Variants in SORCS1 observed in about 807,000 individuals in gnomAD.
The protein encoded by SORCS1 is VPS10 domain-containing receptor SorCS1.
In SORCS1, 60 loss-of-function variants were observed where a neutral mutation model predicts 146.1. The observed-to-expected ratio is 0.41, with a 90% confidence interval of 0.33 to 0.51. The LOEUF (loss-of-function observed/expected upper bound fraction) is 0.51, where lower values mean the gene tolerates loss of function less well. Among genes scored for constraint, SORCS1 ranks in the 20% least tolerant of loss-of-function variants. SORCS1 has a pLI of 0.21. For missense variants in SORCS1, 1,352 were observed against 1,487.6 expected (o/e 0.91, Z 1.50); for synonymous variants, 637 against 584.0 (o/e 1.09, Z -1.31).
At chr10:106,709,582 G>A (rs1007113373) in intron 6 of SORCS1, among the ~76,000 whole-genome samples, 2 of 151,686 alleles carry the variant, frequency 1.3e-5, no homozygotes, top group African/African-American at 2.4e-5. Flanking sequence ...CTGAGTAGCC[G>A]GGACTACAGG....
the SORCS1 span, among the ~76,000 whole-genome samples, chr10:107,177,856 T>C: frequency 6.6e-6 from 1 of 152,230 alleles, no homozygotes; most frequent in East Asian, 1.9e-4. Flanking sequence ...TGCAGGGACA[T>C]GGATGGAGCT....
In SORCS1 at chr10:106,688,164, G is replaced by C. The variant is rs367976852; in HGVS notation, c.1560+28C>G. ...CCATTTCCATCCCTCTACTGTGTGAGGCATTCTGCTTCAATAGGAAGACTC... is the reference window on the plus strand; with the variant it reads ...CCATTTCCATCCCTCTACTGTGTGACGCATTCTGCTTCAATAGGAAGACTC... On this transcript the variant is annotated intron_variant, in intron 10 of 25. Coordinates refer to ENST00000263054, the MANE Select transcript of SORCS1 (RefSeq NM_052918.5). 1.1e-5 allele frequency: 17 copies of C among 1,608,416 alleles called. No homozygotes were observed. The East Asian group carries it at 3.3e-4, about 32-fold the overall frequency.
At chr10:106,952,647 T>G (rs1954745584) in intron 2 of SORCS1, among the ~76,000 whole-genome samples, 1 of 150,776 alleles carries the variant, frequency 6.6e-6, no homozygotes, top group African/African-American at 2.4e-5. Flanking sequence ...GTTTTCTAAA[T>G]TACATTTTCA....
intron 1 of SORCS1, among the ~76,000 whole-genome samples, chr10:107,007,096 T>C (rs1160608278): frequency 4.6e-5 from 7 of 152,200 alleles, no homozygotes; most frequent in Admixed American, 6.5e-5. Flanking sequence ...TTAACCTTGG[T>C]CTAAAACTTC....
intron 1 of SORCS1, among the ~76,000 whole-genome samples, chr10:106,982,705 A>G (rs181176540): frequency 6.6e-6 from 1 of 152,362 alleles, no homozygotes; most frequent in East Asian, 1.9e-4. Context: ...GGTAAAAGAT[A>G]CAGCCAGGAT....
intron 4 of SORCS1, among the ~76,000 whole-genome samples, chr10:106,763,985 A>G (rs1327484090): frequency 6.6e-6 from 1 of 152,234 alleles, no homozygotes; most frequent in Non-Finnish European, 1.5e-5. Context: ...ATGATTTTGT[A>G]CCACGTGAAT....
intron 2 of SORCS1, among the ~76,000 whole-genome samples, chr10:106,919,577 C>T (rs1952605922): frequency 6.6e-6 from 1 of 152,114 alleles, no homozygotes; most frequent in Non-Finnish European, 1.5e-5. Flanking sequence ...ACCCGCAATA[C>T]CATAGAGCAT....
intron 1 of SORCS1, among the ~76,000 whole-genome samples, chr10:107,003,893 C>T (rs6584775): frequency 2.0e-5 from 3 of 151,812 alleles, no homozygotes; most frequent in Non-Finnish European, 4.4e-5. Context: ...GCAGAGAATA[C>T]GGCTGGGTGC....
intron 3 of SORCS1, among the ~76,000 whole-genome samples, chr10:106,777,446 G>A (rs1860532536): frequency 6.6e-6 from 1 of 152,182 alleles, no homozygotes; most frequent in Non-Finnish European, 1.5e-5. Flanking sequence ...TTTGTCGAAT[G>A]AATGAATAAA....
the SORCS1 span, among the ~76,000 whole-genome samples, chr10:107,176,120 A>G: frequency 6.6e-6 from 1 of 151,918 alleles, no homozygotes; most frequent in African/African-American, 2.4e-5. Flanking sequence ...GATATGACCC[A>G]CTCATTACCA....
intron 3 of SORCS1, among the ~76,000 whole-genome samples, chr10:106,812,010 G>C (rs1224458419): frequency 6.6e-6 from 1 of 151,990 alleles, no homozygotes; most frequent in East Asian, 1.9e-4. Context: ...TTGTTTGTTT[G>C]TTTGTTTTGA....
intron 1 of SORCS1, among the ~76,000 whole-genome samples, chr10:107,092,567 C>T (rs1292848192): frequency 1.3e-5 from 2 of 152,196 alleles, no homozygotes; most frequent in Non-Finnish European, 1.5e-5. Flanking sequence ...CAGTCAGATG[C>T]TGGGCTCCTT....
intron 2 of SORCS1, among the ~76,000 whole-genome samples, chr10:106,874,810 G>A (rs1016674101): frequency 2.0e-5 from 3 of 152,184 alleles, no homozygotes; most frequent in Non-Finnish European, 4.4e-5. Flanking sequence ...GCTAGATCAC[G>A]TATGGCCTTT....
At chr10:107,156,356 T>C (rs1372115134) in intron 1 of SORCS1, among the ~76,000 whole-genome samples, 1 of 152,232 alleles carries the variant, frequency 6.6e-6, no homozygotes, top group Non-Finnish European at 1.5e-5. Context: ...GCTTGACTTC[T>C]ACAGCTTTAG....
chr10:106,873,910 A>C (rs1454739523), intron 2 of SORCS1, among the ~76,000 whole-genome samples: 1 of 152,230 alleles, frequency 6.6e-6, no homozygotes, highest in African/African-American at 2.4e-5. Flanking sequence ...TGGGCTCTGA[A>C]GTCGCCAATG....
At chr10:106,748,200 C>A (rs1857888072) in intron 5 of SORCS1, among the ~76,000 whole-genome samples, 1 of 152,038 alleles carries the variant, frequency 6.6e-6, no homozygotes, top group Non-Finnish European at 1.5e-5. Flanking sequence ...TTGTGGCAGC[C>A]CTTCATGCAG....
At chr10:106,812,219 C>A (rs1413701841) in intron 3 of SORCS1, among the ~76,000 whole-genome samples, 1 of 152,134 alleles carries the variant, frequency 6.6e-6, no homozygotes, top group Non-Finnish European at 1.5e-5. Context: ...CCAGGATGGT[C>A]TCGATCTCCT....
At chr10:106,803,452 T>A (rs1191047031) in intron 3 of SORCS1, among the ~76,000 whole-genome samples, 1 of 152,194 alleles carries the variant, frequency 6.6e-6, no homozygotes, top group African/African-American at 2.4e-5. Context: ...GAAACTTTGA[T>A]GTCTAGCACT....
At chr10:107,103,166 T>A (rs965829922) in intron 1 of SORCS1, among the ~76,000 whole-genome samples, 1 of 152,224 alleles carries the variant, frequency 6.6e-6, no homozygotes, top group African/African-American at 2.4e-5. Flanking sequence ...GAATTTGGAC[T>A]TTGGCATTTT....
Sources: gnomAD v4.1 joint callset for allele counts (sites outside exome capture counted in the v4.1 genomes callset) on GRCh38, gnomAD v4.1.1 for gene constraint, MANE v1.5 for transcripts, NCBI Gene and HGNC (gene_info 2026-07-23, HGNC 2026-07-21) for gene names.